Variants in BCO1 observed in about 807,000 individuals in gnomAD.
BCO1 encodes beta,beta-carotene 15,15'-dioxygenase.
Under a neutral mutation model 56.3 loss-of-function variants are expected in BCO1, and 54 were observed. The ratio of observed to expected loss-of-function variants is 0.96; its 90% CI spans 0.77 to 1.20. BCO1 has a LOEUF of 1.20. Ranked by LOEUF, BCO1 falls within the 50% of genes most tolerant of loss-of-function variation. BCO1 has a pLI of 0.00. For missense variants in BCO1, 801 were observed against 690.9 expected, an observed-to-expected ratio of 1.16 and a Z score of -1.79; for synonymous variants, 318 against 266.1, an observed-to-expected ratio of 1.20 and a Z score of -1.90.
chr16:81,285,211 AAAG>A (rs1316936809), intron 8 of BCO1, among the ~76,000 whole-genome samples: 1 of 152,304 alleles, frequency 6.6e-6, no homozygotes, highest in East Asian at 1.9e-4. Context: ...TTTTTGAAAA[AAAG>A]CTTTAAGAAA....
At chr16:81,241,906 T>C (rs1435790308) in intron 1 of BCO1, among the ~76,000 whole-genome samples, 3 of 152,176 alleles carry the variant, frequency 2.0e-5, no homozygotes, top group Non-Finnish European at 4.4e-5. Flanking sequence ...TGAGACCTCT[T>C]TGGCAACTTA....
At chr16:81,282,540 G>T (rs1907942290) in intron 8 of BCO1, among the ~76,000 whole-genome samples, 2 of 152,012 alleles carry the variant, frequency 1.3e-5, no homozygotes, top group Admixed American at 1.3e-4. Context: ...TCTGTAAAAG[G>T]CATCCCATGC....
At chr16:81,246,726 C>A (rs1028916330) in intron 2 of BCO1, among the ~76,000 whole-genome samples, 2 of 151,982 alleles carry the variant, frequency 1.3e-5, no homozygotes, top group African/African-American at 4.8e-5. Context: ...TGGCACACAC[C>A]TGTAATCCCA....
chr16:81,257,513 C>T (rs867001039), intron 2 of BCO1, among the ~76,000 whole-genome samples: 115 of 151,986 alleles, frequency 7.6e-4, no homozygotes, highest in African/African-American at 2.6e-3. Context: ...GATCCACCCA[C>T]TTTGGCCTCC....
chr16:81,257,895 A>AG (rs1175889222), intron 2 of BCO1, among the ~76,000 whole-genome samples: 42 of 151,532 alleles, frequency 2.8e-4, no homozygotes, highest in African/African-American at 9.9e-4. Context: ...AAAAAAAAAA[A>AG]AGAGAGAGAC....
chr16:81,277,880 G>C (rs145849713), intron 7 of BCO1, among the ~76,000 whole-genome samples: 369 of 152,226 alleles, frequency 2.4e-3, no homozygotes, highest in African/African-American at 8.3e-3. Flanking sequence ...GACCAGTTTG[G>C]GGCTGGAGTT....
chr16:81,259,928 C>T (rs1246648918), intron 3 of BCO1, 123 bp downstream of exon 3: 3 of 1,225,510 alleles, frequency 2.4e-6, no homozygotes, highest in Non-Finnish European at 3.6e-6. Context: ...ACATGACTGC[C>T]CTTTAACCAG....
At chr16:81,256,240 C>T (rs1212156739) in intron 2 of BCO1, among the ~76,000 whole-genome samples, 3 of 152,040 alleles carry the variant, frequency 2.0e-5, no homozygotes, top group South Asian at 2.1e-4. Flanking sequence ...TGCTGGTGCT[C>T]AATCGATGCT....
chr16:81,273,499 C>A (rs902431176), intron 7 of BCO1, among the ~76,000 whole-genome samples: 2 of 152,176 alleles, frequency 1.3e-5, no homozygotes, highest in East Asian at 3.9e-4. Context: ...GGGGAGCTGG[C>A]GTTTGAACTG....
At chr16:81,242,568 CTG>C (rs1905181034) in intron 1 of BCO1, among the ~76,000 whole-genome samples, 1 of 152,070 alleles carries the variant, frequency 6.6e-6, no homozygotes, top group Admixed American at 6.6e-5. Flanking sequence ...CCCATCAGTT[CTG>C]TGTGTTCCAT....
intron 6 of BCO1, among the ~76,000 whole-genome samples, chr16:81,269,070 T>A (rs201790204): frequency 0.039 from 3,296 of 84,192 alleles, 188 homozygotes; most frequent in East Asian, 0.23. Flanking sequence ...CTGGTCTTTT[T>A]TTTTTTTTTT....
intron 2 of BCO1, among the ~76,000 whole-genome samples, chr16:81,247,778 G>A (rs374954508): frequency 2.6e-5 from 4 of 151,902 alleles, no homozygotes; most frequent in African/African-American, 7.2e-5. Context: ...TGCCCACCTC[G>A]GCCTCCCAAA....
intron 1 of BCO1, among the ~76,000 whole-genome samples, chr16:81,241,887 C>T (rs973711554): frequency 6.6e-6 from 1 of 152,138 alleles, no homozygotes; most frequent in African/African-American, 2.4e-5. Context: ...TGCCGACACA[C>T]GTGTGTTCTG....
chr16:81,249,163 T>C (rs1191603420), intron 2 of BCO1, among the ~76,000 whole-genome samples: 1 of 150,558 alleles, frequency 6.6e-6, no homozygotes, highest in Non-Finnish European at 1.5e-5. Flanking sequence ...CAATCTCGGC[T>C]CACTGCAACC....
Position 81,264,657 on chromosome 16 carries a change from C to G in BCO1, c.489C>G (p.Tyr163Ter). The G allele has an allele frequency of 6.2e-7, 1 of 1,614,074 alleles. No homozygotes were observed. Among genetic ancestry groups the G allele is most frequent in the Non-Finnish European group, 8.5e-7 (1 of 1,179,950 alleles). Residue 163 changes from tyrosine (Y) to a stop codon, truncating the protein, a stop_gained, in exon 5 of 11, where the codon TAC becomes TAG. Transcript: ENST00000258168. LOFTEE classifies it high-confidence loss of function. ...TCTTGCAGGTTGATTATCGTAAATA[C>G]GTGGCGGTAAATCTGGCAACGTCAC... ...ETLEKVDYRK[Y>*]VAVNLATSHP...
chr16:81,279,395 C>T (rs1907736622), intron 7 of BCO1, among the ~76,000 whole-genome samples: 2 of 152,136 alleles, frequency 1.3e-5, no homozygotes, highest in African/African-American at 4.8e-5. Context: ...CAGAGCCTAA[C>T]CCGTAGTCAC....
chr16:81,239,416 G>A (rs187964005), intron 1 of BCO1, among the ~76,000 whole-genome samples: 25 of 152,224 alleles, frequency 1.6e-4, no homozygotes, highest in Admixed American at 1.5e-3. Context: ...ACAGAGAGGG[G>A]ACACATTTTC....
intron 2 of BCO1, among the ~76,000 whole-genome samples, chr16:81,253,396 G>A (rs995090960): frequency 6.6e-6 from 1 of 152,168 alleles, no homozygotes; most frequent in Non-Finnish European, 1.5e-5. Context: ...TGTCATAGTG[G>A]AGGGGACAGA....
chr16:81,252,447 G>A (rs1201752029), intron 2 of BCO1, among the ~76,000 whole-genome samples: 8 of 152,054 alleles, frequency 5.3e-5, no homozygotes, highest in Non-Finnish European at 1.0e-4. Flanking sequence ...GTAGAGACGG[G>A]GTTTCACCAT....
Sources: allele counts gnomAD v4.1 joint callset (sites outside exome capture counted in the v4.1 genomes callset), GRCh38; gene constraint gnomAD v4.1.1; transcripts MANE v1.5; gene names NCBI Gene and HGNC (gene_info 2026-07-23, HGNC 2026-07-21).